The following COG6 variants were observed in gnomAD, a reference collection of about 807,000 sequenced individuals.
The protein encoded by COG6 is component of oligomeric golgi complex 6.
Under a neutral mutation model 88.8 loss-of-function variants are expected in COG6, and 74 were observed. The observed-to-expected ratio is 0.83, with a 90% CI of 0.69 to 1.01. The LOEUF is 1.01. COG6 is among the 50% of genes least tolerant of loss of function. The probability of loss-of-function intolerance (pLI) is 0.00; values close to 1 mark genes in which losing one functional copy is unlikely to be tolerated. For missense variants in COG6, 800 were observed against 797.9 expected (o/e 1.00, Z -0.03); for synonymous variants, 286 against 278.7 (o/e 1.03, Z -0.26).
At chr13:39,738,218 A>G (rs934916658) in intron 18 of COG6, among the ~76,000 whole-genome samples, 7 of 152,066 alleles carry the variant, frequency 4.6e-5, no homozygotes, top group Admixed American at 3.3e-4. Context: ...GGAGGCTTCT[A>G]TTTGCTCATC....
chr13:39,686,739 A>AT (rs529454403), intron 8 of COG6, among the ~76,000 whole-genome samples: 326 of 151,942 alleles, frequency 2.1e-3, no homozygotes, highest in Non-Finnish European at 4.0e-3. Flanking sequence ...GAATTCTTTT[A>AT]TTTTTTCTGA....
At chr13:39,686,835 T>TC (rs955724066) in intron 8 of COG6, among the ~76,000 whole-genome samples, 1 of 151,702 alleles carries the variant, frequency 6.6e-6, no homozygotes, top group Non-Finnish European at 1.5e-5. Flanking sequence ...GCTCAAGTGA[T>TC]CCCCCTACCT....
At chr13:39,785,470 AT>A (rs1881744612) in intron 18 of COG6, 1 of 152,178 alleles carries the variant, frequency 6.6e-6, no homozygotes, top group Non-Finnish European at 1.5e-5. Context: ...GGTGACACTA[AT>A]GTTAATAAAT....
intron 18 of COG6, among the ~76,000 whole-genome samples, 187 bp from the exon 19 acceptor site, chr13:39,750,759 G>A (rs780321100): frequency 6.6e-6 from 1 of 152,058 alleles, no homozygotes; most frequent in Non-Finnish European, 1.5e-5. Context: ...AATAAATAAT[G>A]AATACAAAAT....
At chr13:39,668,025 A>G (rs747525472) in intron 4 of COG6, among the ~76,000 whole-genome samples, 1 of 152,114 alleles carries the variant, frequency 6.6e-6, no homozygotes, top group Non-Finnish European at 1.5e-5. Flanking sequence ...TTTTAAAATC[A>G]CTGGAAATAT....
At chr13:39,682,311 G>A (rs1444278092) in intron 8 of COG6, 47 bp downstream of exon 8, 2 of 1,085,554 alleles carry the variant, frequency 1.8e-6, no homozygotes, top group Middle Eastern at 2.0e-4. Flanking sequence ...CTTTTCTTTT[G>A]ATATCTTACT....
At chr13:39,743,591 C>T (rs568215083) in intron 18 of COG6, among the ~76,000 whole-genome samples, 3 of 152,188 alleles carry the variant, frequency 2.0e-5, no homozygotes, top group Admixed American at 6.5e-5. Flanking sequence ...ATAACAGGCT[C>T]TGAAATTGAG....
In COG6 at chr13:39,722,310, T is replaced by TAA. The variant is rs558688717; in HGVS notation, c.1585-1010_1585-1009dup. ...AATTGTACTTCCTTGGGCATTTATT[T>TAA]AAAAAAAAAAAAAATGAAAGTACTT... On this transcript the variant is annotated intron_variant, in intron 15 of 18. Coordinates refer to ENST00000455146, the MANE Select transcript of COG6 (RefSeq NM_020751.3). Among the ~76,000 whole-genome samples the TAA allele has an allele frequency of 5.9e-3, 846 of 144,326 alleles. 8 individuals carry two copies. Among genetic ancestry groups the TAA allele is most frequent in the African/African-American group, 0.02 (777 of 39,462 alleles). The allele number at this position is 144,326 out of a possible 152,430, so 94.7% of individuals were successfully genotyped here. A position where few individuals can be genotyped will look rare whatever the true frequency, so the allele number is the denominator to read the frequency against.
chr13:39,712,865 G>A (rs192381648), intron 13 of COG6, among the ~76,000 whole-genome samples: 451 of 152,322 alleles, frequency 3.0e-3, no homozygotes, highest in African/African-American at 0.01. Flanking sequence ...GATACTCAGC[G>A]AAGTGTCATG....
intron 18 of COG6, among the ~76,000 whole-genome samples, chr13:39,750,204 G>A (rs752204373): frequency 1.1e-4 from 17 of 152,148 alleles, no homozygotes; most frequent in Admixed American, 3.3e-4. Context: ...CATGAGTACC[G>A]TTAGTACCAT....
At position 39,723,501 on chromosome 13, in the gene COG6, A is replaced by T. The variant is rs567076231; in HGVS notation, c.1692+61A>T. 477 of 949,226 alleles carry T rather than the reference A, an allele frequency of 5.0e-4. 2 individuals carry two copies. In the African/African-American group the frequency reaches 6.8e-3, roughly 13 times the overall value. 58.8% of individuals were successfully genotyped at this position (949,226 alleles called of 1,614,324 possible). ...CATGCCAGTTTAGAGTATGTCTTCTAGAGCTGCACTCTGGATTCTTGGCTC... is the reference window on the plus strand; with the variant it reads ...CATGCCAGTTTAGAGTATGTCTTCTTGAGCTGCACTCTGGATTCTTGGCTC... On this transcript the variant is annotated intron_variant, in intron 16 of 18. Coordinates refer to ENST00000455146, the MANE Select transcript of COG6 (RefSeq NM_020751.3).
chr13:39,717,155 T>A (rs573709634), intron 13 of COG6, among the ~76,000 whole-genome samples: 1 of 152,316 alleles, frequency 6.6e-6, no homozygotes, highest in Non-Finnish European at 1.5e-5. Flanking sequence ...ATATGCAGAC[T>A]TCTGGCCTGC....
chr13:39,681,372 A>G (rs1876304468), intron 7 of COG6, among the ~76,000 whole-genome samples: 3 of 151,838 alleles, frequency 2.0e-5, no homozygotes, highest in South Asian at 2.1e-4. Flanking sequence ...TTTTTCATGT[A>G]TGTCTTATCT....
rs141224881 is a variant in COG6, at chr13:39,706,215, TTA to T, written c.1284+6610_1284+6611del. 8.7e-5 allele frequency among the ~76,000 whole-genome samples: 11 copies of T among 126,728 alleles called. No individual in the cohort carries two copies. In the East Asian group the frequency reaches 1.4e-3, roughly 16 times the overall value. The allele number at this position is 126,728 out of a possible 152,430, so 83.1% of individuals were successfully genotyped here. A position where few individuals can be genotyped will look rare whatever the true frequency, so the allele number is the denominator to read the frequency against. On this transcript the variant is annotated intron_variant, in intron 13 of 18. Transcript: ENST00000455146. ...ACACTTCTTTTATATATATACTCCT[TTA>T]TATATATATATACTCCTTTATATAT...
Position 39,687,780 on chromosome 13 carries a change from A to G in COG6, c.990A>G (p.Leu330=), listed in dbSNP as rs773662133. ...ASEKEHLEAL[L]KHVTTQGVEE... Reference sequence around the variant, plus strand: ...AAAAGGAACACCTTGAAGCTCTCTTAAAGCATGTAACTACACAAGGTGGGT... The same window carrying G: ...AAAAGGAACACCTTGAAGCTCTCTTGAAGCATGTAACTACACAAGGTGGGT... The change falls in exon 10 of 19, where the codon TTA becomes TTG. Residue 330 remains leucine, a synonymous_variant. Coordinates refer to ENST00000455146, the MANE Select transcript of COG6 (RefSeq NM_020751.3). 1 of 1,613,496 alleles carries G rather than the reference A, an allele frequency of 6.2e-7. No homozygotes were observed. Among genetic ancestry groups the G allele is most frequent in the Non-Finnish European group, 8.5e-7 (1 of 1,179,470 alleles).
intron 18 of COG6, among the ~76,000 whole-genome samples, chr13:39,787,635 T>A (rs1881815462): frequency 6.6e-6 from 1 of 152,180 alleles, no homozygotes; most frequent in Admixed American, 6.6e-5. Context: ...TATACATATA[T>A]ACACATACAA....
In COG6 at chr13:39,685,437, T is replaced by C. The variant is rs752081279; in HGVS notation, c.789-2066T>C. On this transcript the variant is annotated intron_variant, in intron 8 of 18. Coordinates refer to ENST00000455146, the MANE Select transcript of COG6 (RefSeq NM_020751.3). ...AATATTAATGTTTATTGATATTTTA[T>C]AGTATTGAACAGATGAAATTCCAGT... Among the ~76,000 whole-genome samples the C allele has an allele frequency of 6.6e-5, 10 of 152,300 alleles. No individual in the cohort carries two copies. In the East Asian group the frequency reaches 9.6e-4, roughly 15 times the overall value.
At chr13:39,656,475 A>T (rs945778796) in intron 1 of COG6, among the ~76,000 whole-genome samples, 1 of 152,006 alleles carries the variant, frequency 6.6e-6, no homozygotes, top group Admixed American at 6.6e-5. Flanking sequence ...TCTTTAGAAG[A>T]TAAACTGACA....
chr13:39,677,394 GAGAT>G (rs1876035057), intron 4 of COG6, 70 bp from the exon 5 acceptor site: 1 of 835,804 alleles, frequency 1.2e-6, no homozygotes. Flanking sequence ...TATTATGTCT[GAGAT>G]AGAATTTGTT....
Sources: gnomAD v4.1 joint callset for allele counts (sites outside exome capture counted in the v4.1 genomes callset) on GRCh38, gnomAD v4.1.1 for gene constraint, MANE v1.5 for transcripts, NCBI Gene and HGNC (gene_info 2026-07-23, HGNC 2026-07-21) for gene names.